The following PMM1 variants were observed in gnomAD, a reference collection of about 807,000 sequenced individuals.
PMM1 encodes brain glucose-1,6-bisphosphatase.
In PMM1, 25 loss-of-function variants were observed where a neutral mutation model predicts 34.0. The ratio of observed to expected loss-of-function variants is 0.73; its 90% CI spans 0.54 to 1.03. The LOEUF (loss-of-function observed/expected upper bound fraction) is 1.03. Ranked by LOEUF, PMM1 falls within the 50% of genes least tolerant of loss-of-function variation. The pLI, the probability that PMM1 is intolerant of heterozygous loss-of-function variation, is 0.00. For synonymous variants in PMM1, 134 were observed against 143.9 expected, an observed-to-expected ratio of 0.93 and a Z score of 0.49; for missense variants, 321 against 350.1, an observed-to-expected ratio of 0.92 and a Z score of 0.66.
chr22:41,589,512 C>A, intron 1 of PMM1: 1 of 599,844 alleles, frequency 1.7e-6, no homozygotes, highest in Admixed American at 2.9e-5. Flanking sequence ...AAGCAGAACA[C>A]AGGCAAGGAC....
intron 3 of PMM1, 55 bp downstream of exon 3, chr22:41,584,472 C>T: frequency 1.9e-6 from 3 of 1,575,438 alleles, no homozygotes; most frequent in South Asian, 2.2e-5. Context: ...CCCCCTTGGA[C>T]TGCTCCACTA....
intron 1 of PMM1, 190 bp from the exon 2 acceptor site, chr22:41,586,383 G>C: frequency 1.0e-6 from 1 of 1,001,096 alleles, no homozygotes; most frequent in East Asian, 3.2e-5. Flanking sequence ...AACACTTTGC[G>C]AGGCCAAGGC....
Position 41,577,369 on chromosome 22 carries a change from C to T in PMM1, c.738G>A (p.Thr246=), listed in dbSNP as rs376920618. The change falls in exon 8 of 8, where the codon ACG becomes ACA. Residue 246 remains threonine, a synonymous_variant. Transcript: ENST00000216259. The part of the protein sequence containing the change: ...VGHSVVSPQD[T]VQRCREIFFP... ...AGAAAATCTCCCGGCATCGCTGCAC[C>T]GTGTCCTGAGGAGACACCACGCTGT... 2.4e-5 allele frequency: 38 copies of T among 1,612,886 alleles called. No individual in the cohort carries two copies. The highest frequency in any genetic ancestry group is 1.6e-4 in the Middle Eastern group (1 of 6,084).
chr22:41,578,223 C>T (rs2067197198), intron 6 of PMM1, among the ~76,000 whole-genome samples: 1 of 152,062 alleles, frequency 6.6e-6, no homozygotes, highest in African/African-American at 2.4e-5. Context: ...AAGTACAGCC[C>T]CTGAGGCAGG....
chr22:41,577,650 T>C, intron 7 of PMM1, 158 bp downstream of exon 7: 1 of 745,700 alleles, frequency 1.3e-6, no homozygotes, highest in Non-Finnish European at 2.2e-6. Flanking sequence ...GTAACGGGGC[T>C]GGTGAGCAAT....
rs574961349 is a variant in PMM1, at chr22:41,577,194, G to A, written c.*124C>T. ...GTCCACACAGACTCTGGCCCCATCT[G>A]GGTGGGCTTGCAGCAGGCGTCCTGG... On this transcript the variant is annotated 3_prime_UTR_variant, in exon 8 of 8. Transcript: ENST00000216259. 8 of 1,316,736 alleles carry A rather than the reference G, an allele frequency of 6.1e-6. No individual in the cohort carries two copies. The Admixed American group carries it at 1.2e-4, about 20-fold the overall frequency. The allele number at this position is 1,316,736 out of a possible 1,614,324, so 81.6% of individuals were successfully genotyped here.
At position 41,584,178 on chromosome 22, in the gene PMM1, G is replaced by T. The variant is rs77158456; in HGVS notation, c.374+103C>A. 3.2e-3 allele frequency: 4,183 copies of T among 1,309,216 alleles called. 98 individuals are homozygous for T. The African/African-American group carries it at 0.054, about 17-fold the overall frequency. 81.1% of individuals were successfully genotyped at this position (1,309,216 alleles called of 1,614,324 possible). On this transcript the variant is annotated intron_variant, in intron 4 of 7. Coordinates refer to ENST00000216259, the MANE Select transcript of PMM1 (RefSeq NM_002676.3). ...AAGGGGACAAGAATCCACACTCCCC[G>T]CAAAAAATCAGGGGCCCAAGTATCT...
At chr22:41,580,907 G>A (rs761873121) in intron 5 of PMM1, among the ~76,000 whole-genome samples, 27 of 152,072 alleles carry the variant, frequency 1.8e-4, no homozygotes, top group Non-Finnish European at 3.7e-4. Context: ...ACAAGGTTAA[G>A]AGATCGAGAC....
intron 1 of PMM1, among the ~76,000 whole-genome samples, chr22:41,587,441 CAAA>C (rs56954860): frequency 1.6e-4 from 12 of 76,762 alleles, no homozygotes; most frequent in Middle Eastern, 6.7e-3. Context: ...ATTTCATCTC[CAAA>C]AAAAAAAAAA....
At position 41,579,119 on chromosome 22, in the gene PMM1, G is replaced by A. The variant is rs917695734; in HGVS notation, c.475-238C>T. 2.6e-4 allele frequency: 132 copies of A among 515,802 alleles called. No individual in the cohort carries two copies. In the East Asian group the frequency reaches 4.5e-3, roughly 18 times the overall value. The allele number at this position is 515,802 out of a possible 1,614,324, so 32.0% of individuals were successfully genotyped here. On this transcript the variant is annotated intron_variant, in intron 5 of 7. Coordinates refer to ENST00000216259, the MANE Select transcript of PMM1 (RefSeq NM_002676.3). ...GGGGCTGCCAATGGGGCTGTGGGCT[G>A]GGTCTTCTGAAGGAGACCTCAGAGG...
intron 2 of PMM1, chr22:41,585,160 G>A (rs1171759709): frequency 5.9e-5 from 9 of 152,518 alleles, no homozygotes; most frequent in African/African-American, 1.9e-4. Context: ...GACTATGATG[G>A]CGTGGTGGAG....
At chr22:41,585,602 C>T (rs2067299086) in intron 2 of PMM1, among the ~76,000 whole-genome samples, 1 of 152,058 alleles carries the variant, frequency 6.6e-6, no homozygotes, top group Non-Finnish European at 1.5e-5. Flanking sequence ...AGCGATTCTC[C>T]TGCCTCAGCC....
chr22:41,583,430 T>C (rs2067269074), intron 5 of PMM1, among the ~76,000 whole-genome samples: 5 of 152,020 alleles, frequency 3.3e-5, no homozygotes, highest in Admixed American at 1.3e-4. Context: ...TGCAGTGAGC[T>C]GAGATCATGC....
chr22:41,582,664 G>GCA (rs1436804946), intron 5 of PMM1, among the ~76,000 whole-genome samples: 1 of 152,114 alleles, frequency 6.6e-6, no homozygotes, highest in East Asian at 1.9e-4. Flanking sequence ...GTGCAGCAGT[G>GCA]GATGTGATAC....
intron 7 of PMM1, 65 bp from the exon 8 acceptor site, chr22:41,577,505 C>T (rs1212089060): frequency 1.2e-5 from 18 of 1,523,104 alleles, no homozygotes; most frequent in Admixed American, 1.9e-5. Flanking sequence ...TTGGCTGCTA[C>T]GGACCTGCCC....
chr22:41,582,000 C>T (rs1002601086), intron 5 of PMM1, among the ~76,000 whole-genome samples: 2 of 150,092 alleles, frequency 1.3e-5, no homozygotes, highest in East Asian at 2.0e-4. Context: ...AAAAATTAGC[C>T]GGGCGTGGCA....
intron 1 of PMM1, 95 bp from the exon 2 acceptor site, chr22:41,586,288 A>C (rs1395715690): frequency 6.3e-7 from 1 of 1,575,100 alleles, no homozygotes; most frequent in Non-Finnish European, 8.5e-7. Context: ...CAGGAAGCCC[A>C]CATTCTACCT....
intron 7 of PMM1, 27 bp from the exon 8 acceptor site, chr22:41,577,467 G>A (rs1286884555): frequency 2.5e-6 from 4 of 1,598,514 alleles, no homozygotes; most frequent in Non-Finnish European, 3.4e-6. Context: ...GGCAGAGGAG[G>A]GATATTTAGG....
In PMM1 at chr22:41,589,734, G is replaced by T. The variant is rs780109959; in HGVS notation, c.72C>A (p.Leu24=). Residue 24 remains leucine (L), a synonymous_variant, in exon 1 of 8, where the codon CTC becomes CTA. Transcript: ENST00000216259. ...AGGGTCCTACCTGGCGAGCCGGCGT[G>T]AGGGTCCCGTCCACGTCAAACAGGC... is the stretch of plus-strand genomic sequence containing the variant. The part of the protein sequence containing the change: ...VLCLFDVDGT[L]TPARQKIDPE... 2 of 1,611,782 alleles carry T rather than the reference G, an allele frequency of 1.2e-6. No homozygotes were observed. The highest frequency in any genetic ancestry group is 2.2e-5 in the South Asian group (2 of 90,582).
Sources: allele counts gnomAD v4.1 joint callset (sites outside exome capture counted in the v4.1 genomes callset), GRCh38; gene constraint gnomAD v4.1.1; transcripts MANE v1.5; gene names NCBI Gene and HGNC (gene_info 2026-07-23, HGNC 2026-07-21).